PAPOLG: variants seen among roughly 807,000 people sequenced by gnomAD.
PAPOLG encodes the protein poly(A) polymerase gamma, also known as PAP-gamma.
PAPOLG carries 40 observed loss-of-function variants against 99.0 expected under a neutral mutation model. The observed-to-expected ratio is 0.40, with a 90% CI of 0.31 to 0.53. The LOEUF (loss-of-function observed/expected upper bound fraction) is 0.53. Ranked by LOEUF, PAPOLG falls within the 20% of genes least tolerant of loss-of-function variation. The pLI is 0.41. For synonymous variants in PAPOLG, 310 were observed against 299.3 expected (o/e 1.04, Z -0.37); for missense variants, 675 against 884.1 (o/e 0.76, Z 3.00).
chr2:60,772,320 G>A (rs886720076), intron 7 of PAPOLG, among the ~76,000 whole-genome samples: 2 of 151,872 alleles, frequency 1.3e-5, no homozygotes, highest in South Asian at 2.1e-4. Context: ...AGTGGCACTC[G>A]CCTGTAGTTC....
chr2:60,791,136 G>T (rs1671519879), intron 15 of PAPOLG, among the ~76,000 whole-genome samples: 1 of 152,072 alleles, frequency 6.6e-6, no homozygotes, highest in Admixed American at 6.6e-5. Flanking sequence ...GTTATGAGGA[G>T]AGATTGCCTT....
chr2:60,773,081 C>G (rs1670904471), intron 7 of PAPOLG, among the ~76,000 whole-genome samples: 1 of 152,128 alleles, frequency 6.6e-6, no homozygotes, highest in South Asian at 2.1e-4. Flanking sequence ...TGTGCCACCA[C>G]GCCTGGCTGA....
At chr2:60,782,579 C>A in intron 11 of PAPOLG, 107 bp from the exon 12 acceptor site, 1 of 1,342,718 alleles carries the variant, frequency 7.4e-7, no homozygotes, top group South Asian at 1.6e-5. Context: ...AAAAAAATTT[C>A]GTCTGGTGGA....
At chr2:60,774,718 T>C (rs1490994767) in intron 7 of PAPOLG, among the ~76,000 whole-genome samples, 1 of 152,186 alleles carries the variant, frequency 6.6e-6, no homozygotes, top group Non-Finnish European at 1.5e-5. Context: ...TAACAGTAAA[T>C]TACAGTATTT....
rs1415155312 is a variant in PAPOLG, at chr2:60,798,463, A to T, written c.*1303A>T. The stretch of plus-strand genomic sequence containing the variant: ...CATCTTTTCAAAGAGAAACGTTTAA[A>T]ACCTTTATTGTCTCTCCTTAGTCTA... On this transcript the variant is annotated 3_prime_UTR_variant, in exon 22 of 22. Transcript: ENST00000238714. 1 of 152,778 alleles carries T rather than the reference A, an allele frequency of 6.5e-6. No individual in the cohort carries two copies. Among genetic ancestry groups the T allele is most frequent in the Non-Finnish European group, 1.5e-5 (1 of 68,032 alleles). 9.5% of individuals were successfully genotyped at this position (152,778 alleles called of 1,614,324 possible).
chr2:60,796,955 G>C, intron 21 of PAPOLG, 107 bp from the exon 22 acceptor site: 2 of 1,413,262 alleles, frequency 1.4e-6, no homozygotes, highest in South Asian at 2.6e-5. Context: ...AGGAGCTAGA[G>C]GGTTTGGGAG....
chr2:60,788,234 T>A (rs1558712044), intron 15 of PAPOLG, among the ~76,000 whole-genome samples: 1 of 152,140 alleles, frequency 6.6e-6, no homozygotes, highest in Non-Finnish European at 1.5e-5. Flanking sequence ...CAAGACTGGT[T>A]GCTTCTAGGT....
intron 3 of PAPOLG, among the ~76,000 whole-genome samples, chr2:60,765,322 C>T (rs1334919724): frequency 6.7e-6 from 1 of 149,516 alleles, no homozygotes; most frequent in African/African-American, 2.5e-5. Flanking sequence ...AAGTGATCCT[C>T]CTGCTTTGGC....
In PAPOLG at chr2:60,775,015, A is replaced by C. The variant is rs1670975134; in HGVS notation, c.605-19A>C. Reference sequence around the variant, plus strand: ...AGAATTTGCTGCATAGTGAAAAATGAATGCTTTGTCTTTTTCAGGTTGTAG... The same window carrying C: ...AGAATTTGCTGCATAGTGAAAAATGCATGCTTTGTCTTTTTCAGGTTGTAG... On this transcript the variant is annotated intron_variant, in intron 7 of 21. Coordinates refer to ENST00000238714, the MANE Select transcript of PAPOLG (RefSeq NM_022894.4). The C allele has an allele frequency of 6.2e-7, 1 of 1,611,716 alleles. No homozygotes were observed. Among genetic ancestry groups the C allele is most frequent in the Non-Finnish European group, 8.5e-7 (1 of 1,179,430 alleles).
At chr2:60,785,421 G>C (rs752626140) in intron 13 of PAPOLG, among the ~76,000 whole-genome samples, 3 of 152,166 alleles carry the variant, frequency 2.0e-5, no homozygotes, top group Non-Finnish European at 4.4e-5. Flanking sequence ...ACAGGCGTTA[G>C]CCACCGTGCC....
intron 3 of PAPOLG, among the ~76,000 whole-genome samples, chr2:60,767,587 C>T (rs1417040952): frequency 6.6e-6 from 1 of 151,926 alleles, no homozygotes; most frequent in Non-Finnish European, 1.5e-5. Flanking sequence ...GGCATGACCA[C>T]GCCCAGCCAA....
Position 60,797,279 on chromosome 2 carries a change from GTCT to G in PAPOLG, c.*120_*122del. On this transcript the variant is annotated 3_prime_UTR_variant, in exon 22 of 22. Coordinates refer to ENST00000238714, the MANE Select transcript of PAPOLG (RefSeq NM_022894.4). ...AATAAGGTGAAAGTGACAGCCTTCAGTCTAATAACCTTGAAGTGGTTTTTGAAC... is the reference window on the plus strand; with the variant it reads ...AATAAGGTGAAAGTGACAGCCTTCAGAATAACCTTGAAGTGGTTTTTGAAC... 1 of 1,285,906 alleles carries G rather than the reference GTCT, an allele frequency of 7.8e-7. No individual in the cohort carries two copies. The highest frequency in any genetic ancestry group is 1.1e-6 in the Non-Finnish European group (1 of 915,002). The allele number at this position is 1,285,906 out of a possible 1,614,324, so 79.7% of individuals were successfully genotyped here.
chr2:60,796,234 TG>T (rs372873817), intron 21 of PAPOLG, among the ~76,000 whole-genome samples: 26,282 of 94,178 alleles, frequency 0.28, 4,571 homozygotes, highest in Middle Eastern at 0.38. Context: ...TTTTTTTTTT[TG>T]GACATGGAGG....
At chr2:60,772,949 G>A (rs1670900102) in intron 7 of PAPOLG, among the ~76,000 whole-genome samples, 1 of 150,628 alleles carries the variant, frequency 6.6e-6, no homozygotes, top group South Asian at 2.1e-4. Flanking sequence ...TTTTTGAGAC[G>A]GAGTCTCACA....
chr2:60,763,371 T>C (rs1010448365), intron 3 of PAPOLG, among the ~76,000 whole-genome samples: 11 of 151,148 alleles, frequency 7.3e-5, no homozygotes, highest in Non-Finnish European at 1.6e-4. Flanking sequence ...CATGAGCCAC[T>C]GCGCCTTGCC....
intron 8 of PAPOLG, among the ~76,000 whole-genome samples, chr2:60,775,762 C>CTTTT (rs56074091): frequency 1.4e-5 from 2 of 145,914 alleles, no homozygotes; most frequent in African/African-American, 2.5e-5. Flanking sequence ...ATACTGTAGT[C>CTTTT]TTTTTTTTTT....
rs371190821 is a variant in PAPOLG, at chr2:60,775,139, C to G, written c.694+16C>G. ...TGGGCAAAACGTAAGTATCCCTAGTCTTTTATGTTTGCATTATAAAATTCT... is the reference window on the plus strand; with the variant it reads ...TGGGCAAAACGTAAGTATCCCTAGTGTTTTATGTTTGCATTATAAAATTCT... On this transcript the variant is annotated intron_variant, in intron 8 of 21. Transcript: ENST00000238714. 3.5e-5 allele frequency: 56 copies of G among 1,593,328 alleles called. No homozygotes were observed. Among genetic ancestry groups the G allele is most frequent in the Non-Finnish European group, 4.4e-5 (52 of 1,174,492 alleles).
Position 60,801,836 on chromosome 2 carries a change from G to A in PAPOLG, c.*4676G>A, listed in dbSNP as rs1428868110. The A allele has an allele frequency of 6.6e-6, 1 of 151,974 alleles. No individual in the cohort carries two copies. Among genetic ancestry groups the A allele is most frequent in the Admixed American group, 6.6e-5 (1 of 15,244 alleles). The allele number at this position is 151,974 out of a possible 1,614,324, so 9.4% of individuals were successfully genotyped here. ...AGCTTGCTATAAGTTTTAAGCTATT[G>A]CTACATTTGAACAAAGACCCACGTA... On this transcript the variant is annotated 3_prime_UTR_variant, in exon 22 of 22. Transcript: ENST00000238714.
rs753570377 is a variant in PAPOLG at position 60,787,559 on chromosome 2, A to G, written c.1335A>G (p.Val445=). The change falls in exon 15 of 22, where the codon GTA becomes GTG. Residue 445 remains valine, a synonymous_variant. Coordinates refer to ENST00000238714, the MANE Select transcript of PAPOLG (RefSeq NM_022894.4). ...MWFLGIIFRR[V]ENAESVNIDL... ...TCCTTGGGATAATTTTTCGGAGAGT[A>G]GAAAATGCAGAAAGTGTCAACATAG... 6.8e-6 allele frequency: 11 copies of G among 1,614,156 alleles called. No individual in the cohort carries two copies. The highest frequency in any genetic ancestry group is 1.7e-5 in the Admixed American group (1 of 60,030).
Sources: gnomAD v4.1 joint callset for allele counts (sites outside exome capture counted in the v4.1 genomes callset) on GRCh38, gnomAD v4.1.1 for gene constraint, MANE v1.5 for transcripts, NCBI Gene and HGNC (gene_info 2026-07-23, HGNC 2026-07-21) for gene names.